The following MALRD1 variants were observed in gnomAD, a reference collection of about 807,000 sequenced individuals.
The protein encoded by MALRD1 is MAM and LDL-receptor class A domain-containing protein 1.
Under a neutral mutation model 242.1 loss-of-function variants are expected in MALRD1, and 247 were observed. The observed-to-expected ratio is 1.02, with a 90% CI of 0.92 to 1.13. The LOEUF is 1.13. Among genes scored for constraint, MALRD1 ranks in the 50% most tolerant of loss-of-function variants. The pLI, the probability that MALRD1 is intolerant of heterozygous loss-of-function variation, is 0.00. For synonymous variants in MALRD1, 995 were observed against 866.6 expected, an observed-to-expected ratio of 1.15 and a Z score of -2.60; for missense variants, 2,989 against 2,533.1, an observed-to-expected ratio of 1.18 and a Z score of -3.86.
At chr10:19,289,803 G>C (rs891225075) in intron 21 of MALRD1, among the ~76,000 whole-genome samples, 3 of 152,058 alleles carry the variant, frequency 2.0e-5, no homozygotes, top group Non-Finnish European at 4.4e-5. Flanking sequence ...TTTAAAGCCA[G>C]GTTTTTAAGG....
At chr10:19,709,294 C>T (rs748612159) in intron 38 of MALRD1, among the ~76,000 whole-genome samples, 11 of 148,690 alleles carry the variant, frequency 7.4e-5, no homozygotes, top group Non-Finnish European at 1.5e-4. Flanking sequence ...GGCATGGTGG[C>T]ATGCACCAGC....
At chr10:19,094,269 G>T (rs1341019373) in intron 4 of MALRD1, among the ~76,000 whole-genome samples, 1 of 100,256 alleles carries the variant, frequency 1.0e-5, no homozygotes, top group Non-Finnish European at 2.0e-5. Flanking sequence ...GACCCTCTGA[G>T]CCAGGTGTGG....
At chr10:19,206,847 T>G (rs1836809279) in intron 17 of MALRD1, among the ~76,000 whole-genome samples, 1 of 152,188 alleles carries the variant, frequency 6.6e-6, no homozygotes, top group Non-Finnish European at 1.5e-5. Flanking sequence ...CAGTTTTATG[T>G]CAGAAACGCA....
At chr10:19,231,435 C>T (rs756308) in intron 18 of MALRD1, among the ~76,000 whole-genome samples, 35,389 of 152,046 alleles carry the variant, frequency 0.23, 4,785 homozygotes, top group African/African-American at 0.37. Flanking sequence ...CCCTCATTAG[C>T]CATTGATGTG....
chr10:19,230,323 A>T (rs903591144), intron 18 of MALRD1, among the ~76,000 whole-genome samples: 1 of 152,184 alleles, frequency 6.6e-6, no homozygotes, highest in Non-Finnish European at 1.5e-5. Flanking sequence ...TTATAAAGAA[A>T]TGAGGTTTAT....
At chr10:19,200,265 C>A (rs1836460536) in intron 14 of MALRD1, among the ~76,000 whole-genome samples, 1 of 152,204 alleles carries the variant, frequency 6.6e-6, no homozygotes. Context: ...TTCTGTAAGT[C>A]ACAATGGCAG....
rs186140330 is a variant in MALRD1 at position 19,276,044 on chromosome 10, C to T, written c.3080-4003C>T. On this transcript the variant is annotated intron_variant, in intron 19 of 39. Transcript: ENST00000454679. ...TGGCTGCCTAAATTGGAGCATAGAACATTTTTCTCAGTGCAAATGACAGTC... is the reference window on the plus strand; with the variant it reads ...TGGCTGCCTAAATTGGAGCATAGAATATTTTTCTCAGTGCAAATGACAGTC... Among the ~76,000 whole-genome samples, 41 of 152,246 alleles carry T rather than the reference C, an allele frequency of 2.7e-4. No individual in the cohort carries two copies. In the East Asian group the frequency reaches 6.2e-3, roughly 23 times the overall value.
intron 23 of MALRD1, among the ~76,000 whole-genome samples, chr10:19,328,801 A>T (rs1843242469): frequency 6.6e-6 from 1 of 152,128 alleles, no homozygotes; most frequent in South Asian, 2.1e-4. Context: ...AGCAGTAAAG[A>T]CTGAATATCA....
chr10:19,190,074 C>T (rs1308259453), intron 14 of MALRD1, among the ~76,000 whole-genome samples: 1 of 151,862 alleles, frequency 6.6e-6, no homozygotes, highest in African/African-American at 2.4e-5. Flanking sequence ...CCTTTAAGTT[C>T]TACAAAAAAC....
chr10:19,355,792 T>G (rs1436530106), intron 26 of MALRD1, among the ~76,000 whole-genome samples: 3 of 145,688 alleles, frequency 2.1e-5, no homozygotes, highest in Non-Finnish European at 4.5e-5. Context: ...AACTTCACTG[T>G]GAGTTTAGAA....
At chr10:19,622,484 C>T (rs951911681) in intron 36 of MALRD1, among the ~76,000 whole-genome samples, 2 of 151,510 alleles carry the variant, frequency 1.3e-5, no homozygotes, top group Admixed American at 1.3e-4. Context: ...ATTTCCTTTC[C>T]TGGATAGTTG....
At chr10:19,479,881 G>T (rs1836910621) in intron 29 of MALRD1, among the ~76,000 whole-genome samples, 1 of 152,156 alleles carries the variant, frequency 6.6e-6, no homozygotes, top group Non-Finnish European at 1.5e-5. Context: ...GGGGGAAAGT[G>T]TGGGGAAGTC....
At chr10:19,645,948 A>G (rs546994084) in intron 36 of MALRD1, among the ~76,000 whole-genome samples, 2 of 152,274 alleles carry the variant, frequency 1.3e-5, no homozygotes, top group East Asian at 1.9e-4. Flanking sequence ...TTAAACAACA[A>G]CTTGTCTGTT....
At chr10:19,374,438 G>A (rs1242420940) in intron 26 of MALRD1, among the ~76,000 whole-genome samples, 1 of 152,076 alleles carries the variant, frequency 6.6e-6, no homozygotes, top group Non-Finnish European at 1.5e-5. Context: ...AATTACTATA[G>A]GCTGCTTTCT....
chr10:19,521,910 A>C (rs934053876), intron 31 of MALRD1, among the ~76,000 whole-genome samples: 7 of 152,112 alleles, frequency 4.6e-5, no homozygotes, highest in African/African-American at 1.7e-4. Flanking sequence ...AACACTGTTA[A>C]TTCTCTCTCA....
At chr10:19,255,264 TAGG>T (rs1403340620) in intron 18 of MALRD1, among the ~76,000 whole-genome samples, 1 of 151,982 alleles carries the variant, frequency 6.6e-6, no homozygotes, top group Non-Finnish European at 1.5e-5. Context: ...CAATGGGACT[TAGG>T]AGTAAAATTC....
chr10:19,673,096 C>T (rs1186689381), intron 36 of MALRD1, among the ~76,000 whole-genome samples: 1 of 151,908 alleles, frequency 6.6e-6, no homozygotes, highest in Non-Finnish European at 1.5e-5. Flanking sequence ...AATTTATTTG[C>T]CTTTGGTCGG....
chr10:19,666,804 G>C (rs1166500606), intron 36 of MALRD1, among the ~76,000 whole-genome samples: 1 of 151,980 alleles, frequency 6.6e-6, no homozygotes. Context: ...TATCAAAAAA[G>C]AATAAAGCCA....
chr10:19,654,957 C>T (rs1841074528), intron 36 of MALRD1, among the ~76,000 whole-genome samples: 1 of 152,048 alleles, frequency 6.6e-6, no homozygotes, highest in South Asian at 2.1e-4. Flanking sequence ...TAAAGAAGTG[C>T]CACATTATTT....
Sources: gnomAD v4.1 joint callset for allele counts (sites outside exome capture counted in the v4.1 genomes callset) on GRCh38, gnomAD v4.1.1 for gene constraint, MANE v1.5 for transcripts, NCBI Gene and HGNC (gene_info 2026-07-23, HGNC 2026-07-21) for gene names.